Variants in PRKG1 observed in about 807,000 individuals in gnomAD.
The protein encoded by PRKG1 is cGMP-dependent protein kinase 1.
In PRKG1, 35 loss-of-function variants were observed where a neutral mutation model predicts 88.1. That is an observed-to-expected ratio of 0.40 (90% CI 0.30 to 0.53). The LOEUF is 0.53. Ranked by LOEUF, PRKG1 falls within the 20% of genes least tolerant of loss-of-function variation. The pLI, the probability that PRKG1 is intolerant of heterozygous loss-of-function variation, is 0.59. For missense variants in PRKG1, 540 were observed against 839.8 expected (o/e 0.64, Z 4.41); for synonymous variants, 303 against 292.5 (o/e 1.04, Z -0.37).
chr10:51,619,514 A>G (rs1381700762), intron 3 of PRKG1, among the ~76,000 whole-genome samples: 1 of 152,210 alleles, frequency 6.6e-6, no homozygotes, highest in Non-Finnish European at 1.5e-5. Context: ...AAGACCAATC[A>G]AATCAATCAA....
At chr10:51,742,933 A>G (rs557705298) in intron 3 of PRKG1, among the ~76,000 whole-genome samples, 1 of 152,240 alleles carries the variant, frequency 6.6e-6, no homozygotes, top group East Asian at 1.9e-4. Context: ...TAATGCATGC[A>G]GGGCTTAAAA....
chr10:51,632,354 G>A (rs190175859), intron 3 of PRKG1, among the ~76,000 whole-genome samples: 3 of 152,104 alleles, frequency 2.0e-5, no homozygotes, highest in Admixed American at 2.0e-4. Flanking sequence ...ACTGTCTGCT[G>A]GAAACTCAGA....
At chr10:52,001,609 T>C (rs1844601876) in intron 5 of PRKG1, among the ~76,000 whole-genome samples, 3 of 151,994 alleles carry the variant, frequency 2.0e-5, no homozygotes, top group Non-Finnish European at 4.4e-5. Context: ...AAGTGGTATT[T>C]AAATATAAGA....
intron 7 of PRKG1, among the ~76,000 whole-genome samples, chr10:52,087,923 T>C (rs1846956217): frequency 6.6e-6 from 1 of 152,210 alleles, no homozygotes; most frequent in South Asian, 2.1e-4. Context: ...AACTGCATGA[T>C]ATGCATGAAA....
rs958308983 is a variant in PRKG1, at chr10:51,347,955, C to A, written c.479-119768C>A. 8.6e-5 allele frequency among the ~76,000 whole-genome samples: 13 copies of A among 151,854 alleles called. 1 individual carries two copies. Among genetic ancestry groups the A allele is most frequent in the Admixed American group, 7.2e-4 (11 of 15,248 alleles). On this transcript the variant is annotated intron_variant, in intron 2 of 17. Coordinates refer to ENST00000373980, the MANE Select transcript of PRKG1 (RefSeq NM_006258.4). ...GCGGGTGCCTGTACTCCCAGCTACTCGGGAGGCTGAGGCAGGACAATGGCG... is the reference window on the plus strand; with the variant it reads ...GCGGGTGCCTGTACTCCCAGCTACTAGGGAGGCTGAGGCAGGACAATGGCG...
chr10:51,456,248 T>C (rs1839582206), intron 2 of PRKG1, among the ~76,000 whole-genome samples: 1 of 152,154 alleles, frequency 6.6e-6, no homozygotes, highest in South Asian at 2.1e-4. Context: ...CCCCATGATT[T>C]AATTATCTCC....
At chr10:52,056,100 TCA>T (rs1846104855) in intron 6 of PRKG1, among the ~76,000 whole-genome samples, 1 of 152,192 alleles carries the variant, frequency 6.6e-6, no homozygotes, top group Non-Finnish European at 1.5e-5. Flanking sequence ...TTAAAAGATA[TCA>T]TGAAATGACA....
chr10:52,251,004 A>G (rs2132399531), intron 9 of PRKG1, among the ~76,000 whole-genome samples: 1 of 152,246 alleles, frequency 6.6e-6, no homozygotes, highest in Middle Eastern at 3.4e-3. Context: ...TTCCGAAATC[A>G]TCCATTTCGG....
At chr10:51,142,496 G>A (rs1451729571) in intron 1 of PRKG1, among the ~76,000 whole-genome samples, 2 of 151,948 alleles carry the variant, frequency 1.3e-5, no homozygotes, top group Non-Finnish European at 2.9e-5. Context: ...AAGAGAGATA[G>A]GAAGATCCAG....
intron 2 of PRKG1, among the ~76,000 whole-genome samples, chr10:51,295,255 T>TA (rs1840689634): frequency 6.6e-6 from 1 of 152,204 alleles, no homozygotes; most frequent in Non-Finnish European, 1.5e-5. Flanking sequence ...TTTTAATTCT[T>TA]ACAATCCATA....
At chr10:51,343,456 A>G (rs1004377215) in intron 2 of PRKG1, among the ~76,000 whole-genome samples, 3 of 152,170 alleles carry the variant, frequency 2.0e-5, no homozygotes, top group African/African-American at 4.8e-5. Context: ...ATGTGATATC[A>G]GTAACCAAAG....
intron 2 of PRKG1, among the ~76,000 whole-genome samples, chr10:51,392,737 C>A (rs1486243160): frequency 5.6e-5 from 8 of 142,546 alleles, no homozygotes; most frequent in Non-Finnish European, 1.3e-4. Flanking sequence ...ACCTCCCGGA[C>A]GGGGCGGCTG....
At chr10:52,019,483 A>T (rs1339486884) in intron 5 of PRKG1, among the ~76,000 whole-genome samples, 1 of 152,184 alleles carries the variant, frequency 6.6e-6, no homozygotes, top group Non-Finnish European at 1.5e-5. Flanking sequence ...TATAGTTCCA[A>T]GTTTTTGAAA....
intron 4 of PRKG1, among the ~76,000 whole-genome samples, chr10:51,885,862 T>C (rs140145972): frequency 6.6e-6 from 1 of 152,310 alleles, no homozygotes; most frequent in African/African-American, 2.4e-5. Context: ...CATGAGACGT[T>C]ATTATATTAT....
chr10:52,112,940 T>A (rs1847598458), intron 7 of PRKG1, among the ~76,000 whole-genome samples: 2 of 152,216 alleles, frequency 1.3e-5, no homozygotes, highest in South Asian at 4.1e-4. Context: ...GCAAGAAGTG[T>A]AATTTGTGGT....
chr10:51,877,088 A>G (rs377705200), intron 4 of PRKG1, among the ~76,000 whole-genome samples: 99 of 152,070 alleles, frequency 6.5e-4, no homozygotes, highest in Middle Eastern at 3.4e-3. Context: ...TTTGTGTGTG[A>G]ATTTAGGTCC....
At chr10:52,214,746 G>A (rs1262281424) in intron 9 of PRKG1, among the ~76,000 whole-genome samples, 1 of 152,018 alleles carries the variant, frequency 6.6e-6, no homozygotes, top group East Asian at 1.9e-4. Context: ...GCCCCCCAAA[G>A]GAATTCCAAC....
At chr10:51,303,530 G>A (rs1258186137) in intron 2 of PRKG1, among the ~76,000 whole-genome samples, 4 of 151,648 alleles carry the variant, frequency 2.6e-5, no homozygotes, top group Middle Eastern at 3.4e-3. Flanking sequence ...TCAATGATTA[G>A]CAATTACTGC....
chr10:51,266,740 T>C (rs76057158), intron 2 of PRKG1, among the ~76,000 whole-genome samples: 17,299 of 152,130 alleles, frequency 0.11, 1,360 homozygotes, highest in African/African-American at 0.22. Context: ...AACAGAAAAA[T>C]TGATAGACAC....
Sources: gnomAD v4.1 joint callset for allele counts (sites outside exome capture counted in the v4.1 genomes callset) on GRCh38, gnomAD v4.1.1 for gene constraint, MANE v1.5 for transcripts, NCBI Gene and HGNC (gene_info 2026-07-23, HGNC 2026-07-21) for gene names.